Variants in RASGRF2 observed in about 807,000 individuals in gnomAD.
RASGRF2 encodes Ras protein specific guanine nucleotide releasing factor 2.
Under a neutral mutation model 151.0 loss-of-function variants are expected in RASGRF2, and 76 were observed. The ratio of observed to expected loss-of-function variants is 0.50; its 90% CI spans 0.42 to 0.61. The LOEUF is 0.61. RASGRF2 is among the 20% of genes least tolerant of loss of function. The probability of loss-of-function intolerance (pLI) is 0.00; values close to 1 mark genes in which losing one functional copy is unlikely to be tolerated. For synonymous variants in RASGRF2, 504 were observed against 566.5 expected (o/e 0.89, Z 1.57); for missense variants, 1,148 against 1,564.6 (o/e 0.73, Z 4.49).
intron 2 of RASGRF2, among the ~76,000 whole-genome samples, chr5:81,061,158 T>C (rs754542346): frequency 1.1e-4 from 17 of 152,184 alleles, no homozygotes; most frequent in South Asian, 2.1e-4. Flanking sequence ...TATGAAGATA[T>C]ATTATTACTT....
At chr5:80,970,039 G>A (rs748864596) in intron 1 of RASGRF2, among the ~76,000 whole-genome samples, 4 of 150,188 alleles carry the variant, frequency 2.7e-5, no homozygotes, top group Non-Finnish European at 4.4e-5. Flanking sequence ...TGGTCAGGCT[G>A]GTCTTGAACT....
Position 81,109,078 on chromosome 5 carries a change from A to G in RASGRF2, c.1838A>G (p.Lys613Arg). Residue 613 changes from lysine (K) to arginine (R), a missense_variant and splice_region_variant, in exon 13 of 27, where the codon AAG becomes AGG. Physicochemically the swap from Lys to Arg is conservative, Grantham distance 26. This residue lies in a region of RASGRF2 where 646 missense variants were observed against 807.4 expected (regional missense o/e 0.80). Coordinates refer to ENST00000265080, the MANE Select transcript of RASGRF2 (RefSeq NM_006909.3). ...AAAGTCACTGTGCCACATATGATTAAGTAAGTGTGAGAATCCTTTCCTTTA... is the reference window on the plus strand; with the variant it reads ...AAAGTCACTGTGCCACATATGATTAGGTAAGTGTGAGAATCCTTTCCTTTA... Reference protein sequence around the residue: ...NSKVTVPHMIKSDARLHKDDT... With the variant: ...NSKVTVPHMIRSDARLHKDDT... The G allele has an allele frequency of 2.5e-6, 4 of 1,608,770 alleles. No homozygotes were observed. The highest frequency in any genetic ancestry group is 3.4e-6 in the Non-Finnish European group (4 of 1,176,116).
At chr5:81,014,188 A>G (rs571523170) in intron 1 of RASGRF2, among the ~76,000 whole-genome samples, 120 of 152,222 alleles carry the variant, frequency 7.9e-4, no homozygotes, top group Non-Finnish European at 1.5e-3. Flanking sequence ...CTGCTTCCTT[A>G]TGCTAGTGCT....
At chr5:81,160,746 C>A (rs1417703609) in intron 17 of RASGRF2, among the ~76,000 whole-genome samples, 5 of 150,306 alleles carry the variant, frequency 3.3e-5, no homozygotes, top group Non-Finnish European at 7.4e-5. Flanking sequence ...TGGCATGTGC[C>A]TGTAGTCCCA....
At chr5:81,068,249 G>T in intron 3 of RASGRF2, 70 bp downstream of exon 3, 1 of 1,526,582 alleles carries the variant, frequency 6.6e-7, no homozygotes, top group Non-Finnish European at 8.9e-7. Flanking sequence ...ATTACTTAAG[G>T]CCTATTCAGG....
chr5:81,005,870 A>T (rs1749252694), intron 1 of RASGRF2, among the ~76,000 whole-genome samples: 1 of 152,136 alleles, frequency 6.6e-6, no homozygotes, highest in African/African-American at 2.4e-5. Context: ...ATTAAGTCAG[A>T]GGTAGGAATT....
intron 17 of RASGRF2, among the ~76,000 whole-genome samples, chr5:81,161,149 CTG>C (rs1754374130): frequency 6.6e-6 from 1 of 152,212 alleles, no homozygotes; most frequent in South Asian, 2.1e-4. Context: ...GAGGTTGTCA[CTG>C]TGATCACCGG....
chr5:81,019,318 C>G (rs1025038488), intron 1 of RASGRF2: 3 of 152,286 alleles, frequency 2.0e-5, no homozygotes, highest in Admixed American at 1.3e-4. Flanking sequence ...AGAGGCACTG[C>G]CCTCCAGGCT....
chr5:81,080,271 A>C (rs944812429), intron 6 of RASGRF2, 71 bp downstream of exon 6: 5 of 1,562,054 alleles, frequency 3.2e-6, no homozygotes, highest in Non-Finnish European at 4.3e-6. Context: ...TAGCTCCAAC[A>C]TTATTCAGCC....
intron 1 of RASGRF2, among the ~76,000 whole-genome samples, chr5:81,028,803 C>A (rs1436333311): frequency 6.6e-6 from 1 of 152,172 alleles, no homozygotes; most frequent in Non-Finnish European, 1.5e-5. Context: ...TGGGGCTTGT[C>A]AGACAGTGGG....
intron 1 of RASGRF2, among the ~76,000 whole-genome samples, chr5:81,001,674 T>C (rs1014454013): frequency 1.3e-5 from 2 of 152,182 alleles, no homozygotes; most frequent in African/African-American, 4.8e-5. Flanking sequence ...ACTGTTCTCC[T>C]CTTGTGAAAA....
At chr5:80,973,293 A>G (rs1298875820) in intron 1 of RASGRF2, among the ~76,000 whole-genome samples, 1 of 152,202 alleles carries the variant, frequency 6.6e-6, no homozygotes. Context: ...TTCCTTTTAG[A>G]GGAAGTCTCC....
chr5:81,214,074 A>G (rs890288733), intron 23 of RASGRF2, among the ~76,000 whole-genome samples: 1 of 152,166 alleles, frequency 6.6e-6, no homozygotes, highest in Admixed American at 6.5e-5. Flanking sequence ...ATCACCAGCT[A>G]TCACCAAGGG....
At chr5:81,023,007 G>A (rs182386757) in intron 1 of RASGRF2, among the ~76,000 whole-genome samples, 1 of 151,586 alleles carries the variant, frequency 6.6e-6, no homozygotes, top group African/African-American at 2.4e-5. Flanking sequence ...AGGTTCCTAG[G>A]TGGAGCAGCT....
Position 80,968,732 on chromosome 5 carries a change from G to A in RASGRF2, c.288+7706G>A, listed in dbSNP as rs375709525. ...GGAGTCTTGCTCTGTCACCTGGGCT[G>A]GAGTGAAGTGGCGCAGTCATAGCTT... On this transcript the variant is annotated intron_variant, in intron 1 of 26. Transcript: ENST00000265080. Among the ~76,000 whole-genome samples the A allele has an allele frequency of 4.1e-4, 63 of 152,316 alleles. 2 individuals carry two copies. In the East Asian group the frequency reaches 8.5e-3, roughly 21 times the overall value.
chr5:80,969,503 C>T (rs910431926), intron 1 of RASGRF2, among the ~76,000 whole-genome samples: 2 of 149,694 alleles, frequency 1.3e-5, no homozygotes, highest in African/African-American at 2.5e-5. Flanking sequence ...CGCTGGAGTG[C>T]AGTGGCGCGA....
At chr5:81,081,858 A>G (rs1030504669) in intron 7 of RASGRF2, among the ~76,000 whole-genome samples, 2 of 152,204 alleles carry the variant, frequency 1.3e-5, no homozygotes, top group Admixed American at 6.5e-5. Context: ...GTGAAACTTT[A>G]TAGTGTTTTT....
At chr5:81,042,568 T>C (rs1006243312) in intron 1 of RASGRF2, among the ~76,000 whole-genome samples, 6 of 152,242 alleles carry the variant, frequency 3.9e-5, no homozygotes, top group African/African-American at 1.4e-4. Context: ...GAAAATATCA[T>C]ATTACCTTTC....
Position 81,197,462 on chromosome 5 carries a change from C to CAAAAA in RASGRF2, c.2794-3847_2794-3843dup, listed in dbSNP as rs10674027. ...TGGGCGACAGAGCGAGACTCCGTCT[C>CAAAAA]AAAAAAAAAAAAAAAAAAAAAAAAA... On this transcript the variant is annotated intron_variant, in intron 18 of 26. Transcript: ENST00000265080. Among the ~76,000 whole-genome samples the CAAAAA allele has an allele frequency of 3.3e-4, 21 of 63,682 alleles. 1 individual carries two copies. The highest frequency in any genetic ancestry group is 2.6e-3 in the East Asian group (5 of 1,930). The allele number at this position is 63,682 out of a possible 152,430, so 41.8% of individuals were successfully genotyped here. A position where few individuals can be genotyped will look rare whatever the true frequency, so the allele number is the denominator to read the frequency against.
Sources: gnomAD v4.1 joint callset for allele counts (sites outside exome capture counted in the v4.1 genomes callset) on GRCh38, gnomAD v4.1.1 for gene constraint, gnomAD v4.1.1 regional missense constraint, MANE v1.5 for transcripts, NCBI Gene and HGNC (gene_info 2026-07-23, HGNC 2026-07-21) for gene names.